The following PKHD1 variants were observed in gnomAD, a reference collection of about 807,000 sequenced individuals.
PKHD1 encodes the protein fibrocystin.
In PKHD1, 291 loss-of-function variants were observed where a neutral mutation model predicts 412.0. The observed-to-expected ratio is 0.71, with a 90% confidence interval of 0.64 to 0.78. The LOEUF (loss-of-function observed/expected upper bound fraction) is 0.78, where lower values mean the gene tolerates loss of function less well. PKHD1 is among the 30% of genes least tolerant of loss of function. The probability of loss-of-function intolerance (pLI) is 0.00; values close to 1 mark genes in which losing one functional copy is unlikely to be tolerated. For missense variants in PKHD1, 4,825 were observed against 4,950.7 expected (o/e 0.97, Z 0.76); for synonymous variants, 1,777 against 1,821.5 (o/e 0.98, Z 0.62).
intron 66 of PKHD1, 150 bp from the exon 67 acceptor site, chr6:51,619,670 A>T: frequency 1.5e-6 from 1 of 663,266 alleles, no homozygotes; most frequent in South Asian, 1.9e-5. Context: ...TTTATCAGAC[A>T]CTCCAAATAT....
chr6:51,821,580 A>C (rs1766431735), intron 52 of PKHD1, among the ~76,000 whole-genome samples: 1 of 152,244 alleles, frequency 6.6e-6, no homozygotes, highest in South Asian at 2.1e-4. Flanking sequence ...TCTTACCTCC[A>C]GGATTGAACT....
intron 52 of PKHD1, among the ~76,000 whole-genome samples, chr6:51,794,712 G>T (rs949684624): frequency 6.6e-6 from 1 of 152,064 alleles, no homozygotes; most frequent in Non-Finnish European, 1.5e-5. Context: ...CTTAAGGAAG[G>T]GGCCTAGTTT....
chr6:51,778,220 G>A (rs1791383421), intron 53 of PKHD1, among the ~76,000 whole-genome samples: 1 of 152,066 alleles, frequency 6.6e-6, no homozygotes, highest in African/African-American at 2.4e-5. Flanking sequence ...AGGATACGCA[G>A]CTCATCCTTG....
intron 33 of PKHD1, among the ~76,000 whole-genome samples, chr6:52,020,301 G>A (rs947054653): frequency 4.6e-5 from 7 of 152,184 alleles, no homozygotes; most frequent in Admixed American, 3.3e-4. Flanking sequence ...GTAGGTAACA[G>A]AAAGCTTATT....
In PKHD1 at chr6:52,084,896, A is replaced by G. The variant is rs1237980667; in HGVS notation, c.38T>C (p.Val13Ala). 1.2e-6 allele frequency: 2 copies of G among 1,603,778 alleles called. No homozygotes were observed. The highest frequency in any genetic ancestry group is 1.7e-6 in the Non-Finnish European group (2 of 1,170,642). ...ATTCTACTGACCTGCCAAAAGTAGT[A>G]CTTCAATACTCATCAGAGAGATCAG... is the stretch of plus-strand genomic sequence containing the variant. ...AWLISLMSIE[V>A]LLLAVRHLSL... The change falls in exon 2 of 67, where the codon GTA becomes GCA. Residue 13 changes from valine to alanine, a missense_variant. Physicochemically the swap from Val to Ala is moderately conservative, Grantham distance 64. Coordinates refer to ENST00000371117, the MANE Select transcript of PKHD1 (RefSeq NM_138694.4).
rs150333445 is a variant in PKHD1, at chr6:52,055,620, G to A, written c.1803C>T (p.Ala601=). ...ACTGATCTAGCCGATAGCCCTTCTG[G>A]GCAGCCGGGGGAGTAAGGACAAGGT... The part of the protein sequence containing the change: ...PRHLVLTPPA[A]QKGYRLDQYT... The change falls in exon 19 of 67, where the codon GCC becomes GCT. Residue 601 remains alanine, a synonymous_variant. Coordinates refer to ENST00000371117, the MANE Select transcript of PKHD1 (RefSeq NM_138694.4). 1.4e-5 allele frequency: 23 copies of A among 1,613,996 alleles called. No individual in the cohort carries two copies. Among genetic ancestry groups the A allele is most frequent in the East Asian group, 8.9e-5 (4 of 44,878 alleles).
intron 5 of PKHD1, among the ~76,000 whole-genome samples, chr6:52,077,910 T>C (rs1811548803): frequency 7.2e-6 from 1 of 138,468 alleles, no homozygotes; most frequent in Non-Finnish European, 1.6e-5. Context: ...GGCCTTCATA[T>C]CAACATTATT....
intron 36 of PKHD1, among the ~76,000 whole-genome samples, chr6:51,945,808 A>G (rs970545639): frequency 6.6e-6 from 1 of 152,212 alleles, no homozygotes; most frequent in Non-Finnish European, 1.5e-5. Context: ...CCAGCCCAGA[A>G]TACACAGAAC....
At chr6:51,861,157 C>T (rs920268135) in intron 48 of PKHD1, among the ~76,000 whole-genome samples, 1 of 152,128 alleles carries the variant, frequency 6.6e-6, no homozygotes, top group East Asian at 1.9e-4. Context: ...AGAAATATAA[C>T]ACTATCACTT....
intron 53 of PKHD1, 66 bp from the exon 54 acceptor site, chr6:51,775,987 GCAGTATAATTT>G: frequency 1.2e-6 from 1 of 812,064 alleles, no homozygotes; most frequent in Non-Finnish European, 2.2e-6. Context: ...GGGAGAAATT[GCAGTATAATTT>G]CAATAATGCA....
intron 43 of PKHD1, among the ~76,000 whole-genome samples, chr6:51,887,764 A>G (rs1778449919): frequency 6.6e-6 from 1 of 152,236 alleles, no homozygotes; most frequent in African/African-American, 2.4e-5. Flanking sequence ...TAGCCTGCAG[A>G]ACCATGAGCC....
At chr6:52,086,007 T>C (rs1279469302) in intron 1 of PKHD1, among the ~76,000 whole-genome samples, 1 of 149,700 alleles carries the variant, frequency 6.7e-6, no homozygotes, top group Non-Finnish European at 1.5e-5. Flanking sequence ...ACGTTTAATA[T>C]ATATTTAATT....
chr6:51,915,655 C>A (rs143614525), intron 37 of PKHD1, among the ~76,000 whole-genome samples: 244 of 152,032 alleles, frequency 1.6e-3, no homozygotes, highest in African/African-American at 5.7e-3. Context: ...ACTCCCACAT[C>A]TTGGGGTTTT....
At chr6:51,993,457 G>T (rs1797288859) in intron 35 of PKHD1, among the ~76,000 whole-genome samples, 1 of 152,206 alleles carries the variant, frequency 6.6e-6, no homozygotes, top group South Asian at 2.1e-4. Context: ...AGTTAATTAA[G>T]TCCCGTGGGA....
chr6:51,904,622 G>A (rs1261544417), intron 41 of PKHD1, among the ~76,000 whole-genome samples: 1 of 152,166 alleles, frequency 6.6e-6, no homozygotes, highest in Admixed American at 6.6e-5. Flanking sequence ...CTTGTTATGT[G>A]TGAGATTGAG....
At chr6:51,848,083 T>C (rs1182442833) in intron 49 of PKHD1, 113 bp from the exon 50 acceptor site, 16 of 743,022 alleles carry the variant, frequency 2.2e-5, no homozygotes, top group Non-Finnish European at 3.9e-5. Flanking sequence ...GATGGAGTAG[T>C]TTAGAAATCA....
chr6:51,912,631 G>T, intron 37 of PKHD1, 55 bp from the exon 38 acceptor site: 2 of 1,169,240 alleles, frequency 1.7e-6, no homozygotes, highest in South Asian at 2.5e-5. Flanking sequence ...ATCAAAACGT[G>T]ATTAATTTAA....
At chr6:51,926,928 C>T (rs1785731329) in intron 37 of PKHD1, among the ~76,000 whole-genome samples, 1 of 152,190 alleles carries the variant, frequency 6.6e-6, no homozygotes, top group African/African-American at 2.4e-5. Flanking sequence ...TCATCAGTCA[C>T]TGGCTGTCCT....
chr6:51,748,636 G>A lies in PKHD1; in HGVS notation c.8980C>T (p.Gln2994Ter), dbSNP rs2150987482. 6.2e-7 allele frequency: 1 copy of A among 1,613,676 alleles called. No individual in the cohort carries two copies. The highest frequency in any genetic ancestry group is 8.5e-7 in the Non-Finnish European group (1 of 1,179,720). Residue 2994 changes from glutamine to a stop codon, truncating the protein, a stop_gained, in exon 58 of 67, where the codon CAG becomes TAG. Transcript: ENST00000371117. LOFTEE classifies it high-confidence loss of function. ...GVLQLLNVEI[Q>*]NFGSPLYSSV... ...GAGTACAATGGTGACCCGAAGTTCT[G>A]AATTTCCACATTAAGAAGTTGAAGG...
Sources: gnomAD v4.1 joint callset for allele counts (sites outside exome capture counted in the v4.1 genomes callset) on GRCh38, gnomAD v4.1.1 for gene constraint, MANE v1.5 for transcripts, NCBI Gene and HGNC (gene_info 2026-07-23, HGNC 2026-07-21) for gene names.